USP54: variants seen among roughly 807,000 people sequenced by gnomAD.
USP54 encodes the protein ubiquitin carboxyl-terminal hydrolase 54.
A neutral mutation model predicts 170.5 loss-of-function variants in USP54; 87 were observed. That is an observed-to-expected ratio of 0.51 (90% CI 0.43 to 0.61). The LOEUF (loss-of-function observed/expected upper bound fraction) is 0.61. Ranked by LOEUF, USP54 falls within the 20% of genes least tolerant of loss-of-function variation. USP54 has a pLI of 0.00. For missense variants in USP54, 1,786 were observed against 2,047.8 expected, an observed-to-expected ratio of 0.87 and a Z score of 2.47; for synonymous variants, 655 against 742.8, an observed-to-expected ratio of 0.88 and a Z score of 1.92.
chr10:73,579,290 G>A lies in USP54; in HGVS notation c.-581-2929C>T, dbSNP rs201489558. ...TACAACAAAAGCATAATGTATAAAAGGAAAAAATTATAGAATTGAACTTCA... is the reference window on the plus strand; with the variant it reads ...TACAACAAAAGCATAATGTATAAAAAGAAAAAATTATAGAATTGAACTTCA... On this transcript the variant is annotated intron_variant, in intron 1 of 23. Coordinates refer to ENST00000687698, the MANE Select transcript of USP54 (RefSeq NM_001391956.1). Among the ~76,000 whole-genome samples, 4 of 151,890 alleles carry A rather than the reference G, an allele frequency of 2.6e-5. No individual in the cohort carries two copies. The East Asian group carries it at 7.7e-4, about 29-fold the overall frequency.
chr10:73,621,875 C>G (rs547803335), intron 1 of USP54, among the ~76,000 whole-genome samples: 171 of 152,238 alleles, frequency 1.1e-3, no homozygotes, highest in African/African-American at 3.9e-3. Flanking sequence ...CTAACATTCA[C>G]ATTAGTTCCC....
At chr10:73,617,461 A>G (rs558461049) in intron 1 of USP54, among the ~76,000 whole-genome samples, 1 of 150,296 alleles carries the variant, frequency 6.7e-6, no homozygotes, top group East Asian at 1.9e-4. Flanking sequence ...GTCTAAAAAT[A>G]ATAATAATAA....
chr10:73,580,062 G>T (rs559990160), intron 1 of USP54, among the ~76,000 whole-genome samples: 1 of 151,928 alleles, frequency 6.6e-6, no homozygotes, highest in East Asian at 1.9e-4. Flanking sequence ...AGTAGTTCAC[G>T]CCTGTAATCC....
intron 11 of USP54, among the ~76,000 whole-genome samples, chr10:73,535,723 C>G (rs2065080098): frequency 1.3e-5 from 2 of 152,092 alleles, no homozygotes; most frequent in South Asian, 4.1e-4. Flanking sequence ...ATTTTTCCCC[C>G]CTCCAAGACA....
At chr10:73,520,380 T>A (rs1476990347) in intron 18 of USP54, among the ~76,000 whole-genome samples, 3 of 152,206 alleles carry the variant, frequency 2.0e-5, no homozygotes, top group Admixed American at 1.3e-4. Flanking sequence ...CAAACCTGCA[T>A]CTGTCTTTAT....
chr10:73,553,385 A>C (rs1043887831), intron 4 of USP54: 1 of 152,228 alleles, frequency 6.6e-6, no homozygotes, highest in African/African-American at 2.4e-5. Flanking sequence ...GAGCCCGCCC[A>C]GCATGCATCT....
chr10:73,499,382 C>T (rs1445340713), intron 23 of USP54, among the ~76,000 whole-genome samples, 194 bp from the exon 24 acceptor site: 1 of 152,142 alleles, frequency 6.6e-6, no homozygotes. Flanking sequence ...AAATCTCATA[C>T]CTCCAACCTG....
chr10:73,613,501 A>G (rs573643847), intron 1 of USP54, among the ~76,000 whole-genome samples: 42 of 152,128 alleles, frequency 2.8e-4, no homozygotes, highest in Admixed American at 2.1e-3. Flanking sequence ...TTTTACTATA[A>G]AGAGATTCAA....
chr10:73,534,887 G>C, intron 11 of USP54, 117 bp from the exon 12 acceptor site: 1 of 925,006 alleles, frequency 1.1e-6, no homozygotes, highest in African/African-American at 1.7e-5. Flanking sequence ...AGACACAAGT[G>C]TGAGAAGGAT....
intron 1 of USP54, among the ~76,000 whole-genome samples, chr10:73,605,662 G>A (rs1227968958): frequency 6.6e-6 from 1 of 152,120 alleles, no homozygotes. Context: ...GCCTTAAAAA[G>A]GAAGGAAAAT....
Position 73,624,177 on chromosome 10 carries a change from TATATATATATA to T in USP54, c.-18+1379_-18+1389del, listed in dbSNP as rs1238922414. Among the ~76,000 whole-genome samples the T allele has an allele frequency of 2.3e-3, 256 of 111,100 alleles. 4 individuals are homozygous for T. The highest frequency in any genetic ancestry group is 0.016 in the East Asian group (38 of 2,430). The allele number at this position is 111,100 out of a possible 152,430, so 72.9% of individuals were successfully genotyped here. On this transcript the variant is annotated intron_variant, in intron 1 of 22. Transcript: ENST00000339859. Reference sequence around the variant, plus strand: ...TAAAAGCCATATATATATATATATATATATATATATATATATATGTATTTTTTTTTTTTTTT... The same window carrying T: ...TAAAAGCCATATATATATATATATATTATATATGTATTTTTTTTTTTTTTT...
chr10:73,609,698 G>T (rs2079971993), intron 1 of USP54, among the ~76,000 whole-genome samples: 1 of 152,048 alleles, frequency 6.6e-6, no homozygotes, highest in African/African-American at 2.4e-5. Context: ...ACAAAAATTA[G>T]CTGGGCATGG....
At chr10:73,606,973 A>G (rs934041594) in intron 1 of USP54, among the ~76,000 whole-genome samples, 3 of 151,928 alleles carry the variant, frequency 2.0e-5, no homozygotes, top group African/African-American at 7.3e-5. Context: ...GAAAAACCTA[A>G]TATGTTCAGG....
At chr10:73,530,659 A>G in intron 13 of USP54, 45 bp downstream of exon 13, 1 of 1,608,492 alleles carries the variant, frequency 6.2e-7, no homozygotes, top group Non-Finnish European at 8.5e-7. Context: ...CAGAAGTTTG[A>G]TAGAGTGAAT....
At chr10:73,595,253 A>T (rs879570535), upstream of USP54, among the ~76,000 whole-genome samples, 8 of 152,008 alleles carry the variant, frequency 5.3e-5, no homozygotes, top group African/African-American at 1.9e-4. Flanking sequence ...ACAGAGTCTC[A>T]CTATGTTGCC....
chr10:73,533,492 A>T (rs574627997), intron 12 of USP54, among the ~76,000 whole-genome samples: 370 of 152,096 alleles, frequency 2.4e-3, no homozygotes, highest in African/African-American at 8.4e-3. Context: ...GGTGATGGGT[A>T]CATGAATGGG....
chr10:73,508,083 T>A (rs1006539845), intron 20 of USP54, among the ~76,000 whole-genome samples: 2 of 152,138 alleles, frequency 1.3e-5, no homozygotes, highest in Non-Finnish European at 2.9e-5. Context: ...AGGTAGCCAC[T>A]GGAACCTCCT....
intron 20 of USP54, chr10:73,505,798 A>C (rs1400530159): frequency 6.1e-6 from 1 of 163,568 alleles, no homozygotes; most frequent in Non-Finnish European, 1.3e-5. Flanking sequence ...TGAACCCGGG[A>C]GGCGTAGCTT....
chr10:73,536,992 T>G (rs535444763), intron 10 of USP54, among the ~76,000 whole-genome samples: 11 of 152,332 alleles, frequency 7.2e-5, no homozygotes, highest in African/African-American at 2.6e-4. Context: ...CCTCTCGGCC[T>G]TAGCCCTGTG....
Sources: allele counts gnomAD v4.1 joint callset (sites outside exome capture counted in the v4.1 genomes callset), GRCh38; gene constraint gnomAD v4.1.1; transcripts MANE v1.5; gene names NCBI Gene and HGNC (gene_info 2026-07-23, HGNC 2026-07-21).